The following EPS8 variants were observed in gnomAD, a reference collection of about 807,000 sequenced individuals.
EPS8 encodes epidermal growth factor receptor kinase substrate 8.
A neutral mutation model predicts 103.8 loss-of-function variants in EPS8; 42 were observed. That is an observed-to-expected ratio of 0.40 (90% CI 0.32 to 0.52). EPS8 has a LOEUF of 0.52. Ranked by LOEUF, EPS8 falls within the 20% of genes least tolerant of loss-of-function variation. The pLI, the probability that EPS8 is intolerant of heterozygous loss-of-function variation, is 0.40. For missense variants in EPS8, 969 were observed against 1,005.1 expected, an observed-to-expected ratio of 0.96 and a Z score of 0.49; for synonymous variants, 344 against 344.6, an observed-to-expected ratio of 1.00 and a Z score of 0.02.
At chr12:15,743,658 G>C (rs1946847075) in intron 1 of EPS8, among the ~76,000 whole-genome samples, 1 of 152,096 alleles carries the variant, frequency 6.6e-6, no homozygotes, top group Non-Finnish European at 1.5e-5. Flanking sequence ...ACAAGAAATG[G>C]GGAAAGGATT....
chr12:15,650,734 G>GAATA, intron 14 of EPS8, 89 bp downstream of exon 14: 1 of 1,098,158 alleles, frequency 9.1e-7, no homozygotes. Flanking sequence ...ATTTTCAGTT[G>GAATA]AATAAAATGA....
intron 3 of EPS8, chr12:15,672,317 C>T (rs1189898967): frequency 2.8e-5 from 11 of 390,592 alleles, no homozygotes; most frequent in Admixed American, 2.2e-4. Context: ...TTTATATTTA[C>T]TTTTAAAATT....
chr12:15,656,945 C>T (rs1945517277), intron 12 of EPS8, among the ~76,000 whole-genome samples: 1 of 152,110 alleles, frequency 6.6e-6, no homozygotes, highest in Non-Finnish European at 1.5e-5. Context: ...CCAATGCTAC[C>T]AGGTCCAAGC....
Position 15,670,026 on chromosome 12 carries a change from G to A in EPS8, c.205-201C>T, listed in dbSNP as rs141131573. 2.0e-3 allele frequency among the ~76,000 whole-genome samples: 298 copies of A among 152,242 alleles called. 2 individuals carry two copies. Among genetic ancestry groups the A allele is most frequent in the African/African-American group, 6.7e-3 (280 of 41,548 alleles). ...GTTTTTTTTGAATAGAAGAAATGGT[G>A]TTTTGACTCATAAGATACCTAAATC... On this transcript the variant is annotated intron_variant, in intron 4 of 20. Coordinates refer to ENST00000281172, the MANE Select transcript of EPS8 (RefSeq NM_004447.6).
intron 9 of EPS8, 55 bp downstream of exon 9, chr12:15,661,971 T>C: frequency 1.6e-6 from 2 of 1,284,586 alleles, no homozygotes; most frequent in Non-Finnish European, 2.2e-6. Context: ...TTATGAAGTT[T>C]TCTTTTTCCT....
intron 8 of EPS8, among the ~76,000 whole-genome samples, chr12:15,664,465 T>G (rs901991685): frequency 2.0e-5 from 3 of 152,232 alleles, no homozygotes; most frequent in African/African-American, 7.2e-5. Flanking sequence ...CTTACTATTT[T>G]GTAGTAGGTA....
chr12:15,756,064 G>A (rs1272755259), intron 1 of EPS8, among the ~76,000 whole-genome samples: 1 of 152,168 alleles, frequency 6.6e-6, no homozygotes, highest in Non-Finnish European at 1.5e-5. Context: ...CTTGGCAACA[G>A]TTGTAGTCTG....
chr12:15,725,072 GAAA>G lies in EPS8; in HGVS notation c.-21-42103_-21-42101del, dbSNP rs896507384. Reference sequence around the variant, plus strand: ...CACTCACTCCTAGGTATCTTGTTAGGAAAAAAAAAAATCCACTTTCTTTTTCAA... The same window carrying G: ...CACTCACTCCTAGGTATCTTGTTAGGAAAAAAAATCCACTTTCTTTTTCAA... On this transcript the variant is annotated intron_variant, in intron 1 of 20. Transcript: ENST00000281172. The surrounding 1 kb of genome is among the most constrained non-coding windows in gnomAD (Gnocchi z 4.5). 6.9e-6 allele frequency among the ~76,000 whole-genome samples: 1 copy of G among 145,796 alleles called. No individual in the cohort carries two copies. The highest frequency in any genetic ancestry group is 1.5e-5 in the Non-Finnish European group (1 of 66,040).
Position 15,778,875 on chromosome 12 carries a change from GTCA to G in EPS8, c.-22+10283_-22+10285del, listed in dbSNP as rs1315858856. 2.0e-5 allele frequency among the ~76,000 whole-genome samples: 3 copies of G among 152,184 alleles called. No homozygotes were observed. Among genetic ancestry groups the G allele is most frequent in the South Asian group, 4.1e-4 (2 of 4,828 alleles). On this transcript the variant is annotated intron_variant, in intron 1 of 20. Transcript: ENST00000281172. This position sits in a 1 kb window ranked among gnomAD's most constrained non-coding sequence, Gnocchi z 4.5. Reference sequence around the variant, plus strand: ...GTTTGCATGCCCAGGCAGAAAATAAGTCATCAATTTACCAAGTTACTCACAAAA... The same window carrying G: ...GTTTGCATGCCCAGGCAGAAAATAAGTCAATTTACCAAGTTACTCACAAAA...
At position 15,665,778 on chromosome 12, in the gene EPS8, T is replaced by C; in HGVS notation, c.714A>G (p.Ala238=). ...CACAGTCCCCTTGGTCGGCTGCCCA[T>C]GCAGACCAGGCTGCCACTCGACTTC... ...DVRSRVAAWS[A]WAADQGDFEK... Residue 238 remains alanine, a synonymous_variant, in exon 8 of 21, where the codon GCA becomes GCG. Coordinates refer to ENST00000281172, the MANE Select transcript of EPS8 (RefSeq NM_004447.6). 2.5e-6 allele frequency: 4 copies of C among 1,613,682 alleles called. No homozygotes were observed. The highest frequency in any genetic ancestry group is 1.1e-5 in the South Asian group (1 of 91,010).
chr12:15,645,033 G>A (rs541136815), intron 15 of EPS8, among the ~76,000 whole-genome samples: 38 of 152,168 alleles, frequency 2.5e-4, no homozygotes, highest in Middle Eastern at 3.4e-3. Context: ...TTTCTATGGT[G>A]AAATTCTGAC....
Position 15,697,030 on chromosome 12 carries a change from G to A in EPS8, c.-21-14058C>T, listed in dbSNP as rs553358193. On this transcript the variant is annotated intron_variant, in intron 1 of 20. Transcript: ENST00000281172. This position sits in a 1 kb window ranked among gnomAD's most constrained non-coding sequence, Gnocchi z 5.6. ...GAGGAGATTTGAAGAGGGAATTATC[G>A]TAAGGCCAGCATTTGCATTTCTTTC... 2.8e-4 allele frequency among the ~76,000 whole-genome samples: 42 copies of A among 152,242 alleles called. No homozygotes were observed. Among genetic ancestry groups the A allele is most frequent in the Non-Finnish European group, 4.7e-4 (32 of 68,020 alleles).
At position 15,738,909 on chromosome 12, in the gene EPS8, C is replaced by A. The variant is rs1438706194; in HGVS notation, c.-22+50252G>T. ...CCATGGTGGAGCTAAATCTACCAAA[C>A]CTGAGACACGACTCTCAAGAGACTT... is the stretch of plus-strand genomic sequence containing the variant. On this transcript the variant is annotated intron_variant, in intron 1 of 20. Transcript: ENST00000281172. This position sits in a 1 kb window ranked among gnomAD's most constrained non-coding sequence, Gnocchi z 6.2. Among the ~76,000 whole-genome samples the A allele has an allele frequency of 6.6e-6, 1 of 152,166 alleles. No individual in the cohort carries two copies. The highest frequency in any genetic ancestry group is 1.5e-5 in the Non-Finnish European group (1 of 68,028).
Position 15,710,967 on chromosome 12 carries a change from C to T in EPS8, c.-21-27995G>A, listed in dbSNP as rs186302696. 5.1e-3 allele frequency among the ~76,000 whole-genome samples: 782 copies of T among 152,242 alleles called. 1 individual carries two copies. The highest frequency in any genetic ancestry group is 0.01 in the Middle Eastern group (3 of 294). ...CATGGCAGTCTCAGTCTCCTGGGATCAAGCCATCCTCCCTAACTTAGTCTC... is the reference window on the plus strand; with the variant it reads ...CATGGCAGTCTCAGTCTCCTGGGATTAAGCCATCCTCCCTAACTTAGTCTC... On this transcript the variant is annotated intron_variant, in intron 1 of 20. Transcript: ENST00000281172.
Position 15,654,279 on chromosome 12 carries a change from T to TTA in EPS8, c.1115_1116insTA (p.Gly373LysfsTer6). The TTA allele has an allele frequency of 6.2e-7, 1 of 1,613,424 alleles. No homozygotes were observed. The highest frequency in any genetic ancestry group is 8.5e-7 in the Non-Finnish European group (1 of 1,179,642). On this transcript the variant is annotated frameshift_variant, in exon 13 of 21. Coordinates refer to ENST00000281172, the MANE Select transcript of EPS8 (RefSeq NM_004447.6). LOFTEE classifies it high-confidence loss of function. ...CTGAACTGGCTAGTTCAGGACCTCC[T>TTA]GTTGCCTGCACCACCTAAGATAATA...
At chr12:15,640,613 G>C (rs1945211867) in intron 17 of EPS8, 90 bp downstream of exon 17, 3 of 1,157,810 alleles carry the variant, frequency 2.6e-6, no homozygotes, top group South Asian at 3.6e-5. Context: ...ATCTCAAAAT[G>C]ATCAATACAC....
chr12:15,666,345 T>A, intron 7 of EPS8, 95 bp downstream of exon 7: 1 of 878,558 alleles, frequency 1.1e-6, no homozygotes. Context: ...AATACAATAA[T>A]ATACTTCCAT....
chr12:15,681,012 A>T (rs79004954), intron 3 of EPS8, among the ~76,000 whole-genome samples: 2 of 152,062 alleles, frequency 1.3e-5, no homozygotes, highest in African/African-American at 2.4e-5. Context: ...ACTGCAATAC[A>T]TTTCATCTGT....
intron 1 of EPS8, among the ~76,000 whole-genome samples, chr12:15,773,427 G>A (rs1460330078): frequency 6.6e-6 from 1 of 152,036 alleles, no homozygotes; most frequent in Non-Finnish European, 1.5e-5. Context: ...GAAATGAATG[G>A]GGATACCCTG....
Sources: gnomAD v4.1 joint callset for allele counts (sites outside exome capture counted in the v4.1 genomes callset) on GRCh38, gnomAD v4.1.1 for gene constraint, Gnocchi (gnomAD v3.1) non-coding constraint, MANE v1.5 for transcripts, NCBI Gene and HGNC (gene_info 2026-07-23, HGNC 2026-07-21) for gene names.